Variants in CACNA1C observed in about 807,000 individuals in gnomAD.
CACNA1C encodes the protein calcium voltage-gated channel subunit alpha1 C, also known as voltage-dependent L-type calcium channel subunit alpha-1C.
CACNA1C carries 30 observed loss-of-function variants against 229.0 expected under a neutral mutation model. The ratio of observed to expected loss-of-function variants is 0.13; its 90% CI spans 0.10 to 0.18. CACNA1C has a LOEUF of 0.18. Among genes scored for constraint, CACNA1C ranks in the 10% least tolerant of loss-of-function variants. The pLI, the probability that CACNA1C is intolerant of heterozygous loss-of-function variation, is 1.00. For missense variants in CACNA1C, 1,658 were observed against 2,845.0 expected (o/e 0.58, Z 9.49); for synonymous variants, 1,114 against 1,132.5 (o/e 0.98, Z 0.33).
intron 29 of CACNA1C, chr12:2,614,318 A>G (rs911811824): frequency 1.3e-5 from 2 of 152,216 alleles, no homozygotes; most frequent in Admixed American, 1.3e-4. Flanking sequence ...GGGTACATCT[A>G]TGGTGTAAAG....
intron 3 of CACNA1C, among the ~76,000 whole-genome samples, chr12:2,158,729 T>C (rs563062189): frequency 3.6e-4 from 55 of 152,014 alleles, no homozygotes; most frequent in Admixed American, 2.2e-3. Flanking sequence ...CATTTTCAGA[T>C]AGGTAAAAAT....
intron 1 of CACNA1C, among the ~76,000 whole-genome samples, chr12:2,069,387 C>T (rs1276330683): frequency 6.6e-6 from 1 of 152,110 alleles, no homozygotes; most frequent in African/African-American, 2.4e-5. Context: ...GGAGCCAAAC[C>T]CCAAGTTATT....
intron 3 of CACNA1C, among the ~76,000 whole-genome samples, chr12:2,428,504 G>A (rs2099053697): frequency 6.6e-6 from 1 of 152,194 alleles, no homozygotes; most frequent in Non-Finnish European, 1.5e-5. Flanking sequence ...CCTTCCTGAG[G>A]CACAGATCTT....
chr12:2,004,216 T>A (rs1565895427), intron 1 of CACNA1C: 2 of 1,591,264 alleles, frequency 1.3e-6, no homozygotes, highest in South Asian at 1.1e-5. Flanking sequence ...CCTCAAGTCC[T>A]GAGTCTGACG....
chr12:2,218,419 G>C (rs1310133074), intron 3 of CACNA1C, among the ~76,000 whole-genome samples: 2 of 152,166 alleles, frequency 1.3e-5, no homozygotes, highest in Non-Finnish European at 2.9e-5. Flanking sequence ...GATAGGGTGT[G>C]CTGGAAAGAC....
chr12:2,011,007 T>G (rs2044310824), intron 1 of CACNA1C: 1 of 151,496 alleles, frequency 6.6e-6, no homozygotes, highest in Non-Finnish European at 1.5e-5. Flanking sequence ...AAAAATTAGC[T>G]GGGCGTGGTG....
At chr12:2,129,185 C>T (rs1037681628) in intron 3 of CACNA1C, among the ~76,000 whole-genome samples, 2 of 152,138 alleles carry the variant, frequency 1.3e-5, no homozygotes, top group African/African-American at 4.8e-5. Flanking sequence ...GAGCTGGAAA[C>T]GGGATGAGAC....
intron 3 of CACNA1C, among the ~76,000 whole-genome samples, chr12:2,240,159 G>A (rs1487261009): frequency 6.6e-6 from 1 of 152,210 alleles, no homozygotes; most frequent in Non-Finnish European, 1.5e-5. Context: ...AATAGCTCAG[G>A]ATGGTCGCTC....
intron 1 of CACNA1C, among the ~76,000 whole-genome samples, chr12:1,978,816 C>A (rs80176102): frequency 0.016 from 2,426 of 152,248 alleles, 68 homozygotes; most frequent in African/African-American, 0.053. Context: ...AGATGGCTTG[C>A]TTTGCTCAAC....
intron 3 of CACNA1C, among the ~76,000 whole-genome samples, chr12:2,332,331 C>G (rs1437650011): frequency 6.6e-6 from 1 of 152,064 alleles, no homozygotes; most frequent in African/African-American, 2.4e-5. Flanking sequence ...CAACTTTTCT[C>G]TAAGTTTGAA....
chr12:2,666,819 A>G lies in CACNA1C; in HGVS notation c.4623+37A>G, dbSNP rs572802772. 7 of 1,278,760 alleles carry G rather than the reference A, an allele frequency of 5.5e-6. No individual in the cohort carries two copies. Among genetic ancestry groups the G allele is most frequent in the Non-Finnish European group, 7.8e-6 (7 of 894,872 alleles). The allele number at this position is 1,278,760 out of a possible 1,614,324, so 79.2% of individuals were successfully genotyped here. A position where few individuals can be genotyped will look rare whatever the true frequency, so the allele number is the denominator to read the frequency against. Reference sequence around the variant, plus strand: ...CGGGGTTCATGGGAGGGAGAGGGAAAATAGGGGAAGTGAAGTGCCCATTTC... The same window carrying G: ...CGGGGTTCATGGGAGGGAGAGGGAAGATAGGGGAAGTGAAGTGCCCATTTC... On this transcript the variant is annotated intron_variant, in intron 37 of 46. Coordinates refer to ENST00000399655, the MANE Select transcript of CACNA1C (RefSeq NM_000719.7). The surrounding 1 kb of genome is among the most constrained non-coding windows in gnomAD (Gnocchi z 5.3).
At chr12:2,450,567 A>AC (rs2099359564) in intron 4 of CACNA1C, among the ~76,000 whole-genome samples, 1 of 147,934 alleles carries the variant, frequency 6.8e-6, no homozygotes, top group Non-Finnish European at 1.5e-5. Context: ...AAAAAAAAAA[A>AC]AAAAAAAAAA....
intron 3 of CACNA1C, among the ~76,000 whole-genome samples, chr12:2,355,275 G>A (rs1291859195): frequency 6.6e-6 from 1 of 152,154 alleles, no homozygotes. Flanking sequence ...CTGACATGTG[G>A]CTGCATGGCC....
At chr12:2,038,916 A>G (rs2049611772) in intron 1 of CACNA1C, among the ~76,000 whole-genome samples, 1 of 133,572 alleles carries the variant, frequency 7.5e-6, no homozygotes, top group South Asian at 2.4e-4. Context: ...AAATTTTGTC[A>G]AAAAAAAAAG....
At chr12:1,974,867 T>G (rs999955769) in intron 1 of CACNA1C, among the ~76,000 whole-genome samples, 1 of 152,190 alleles carries the variant, frequency 6.6e-6, no homozygotes, top group African/African-American at 2.4e-5. Context: ...AAGCTATGTT[T>G]AAACATGTCT....
intron 11 of CACNA1C, among the ~76,000 whole-genome samples, chr12:2,559,889 A>G (rs1293226858): frequency 6.6e-6 from 1 of 152,250 alleles, no homozygotes; most frequent in Non-Finnish European, 1.5e-5. Flanking sequence ...GGCAGGTTAA[A>G]AAATAAAAAG....
In CACNA1C at chr12:2,067,339, C is replaced by T. The variant is rs916088504; in HGVS notation, c.49+13728C>T. Among the ~76,000 whole-genome samples, 3 of 151,858 alleles carry T rather than the reference C, an allele frequency of 2.0e-5. No homozygotes were observed. Among genetic ancestry groups the T allele is most frequent in the Admixed American group, 6.6e-5 (1 of 15,238 alleles). On this transcript the variant is annotated intron_variant, in intron 1 of 46. Transcript: ENST00000399655. The surrounding 1 kb of genome is among the most constrained non-coding windows in gnomAD (Gnocchi z 5.3). ...GAGCTCTGAGTGGATGCACAAAGGGCCAGGTGGACTTTCTTTGGGGAGCAT... is the reference window on the plus strand; with the variant it reads ...GAGCTCTGAGTGGATGCACAAAGGGTCAGGTGGACTTTCTTTGGGGAGCAT...
chr12:2,295,907 A>AT (rs2093994299), intron 3 of CACNA1C, among the ~76,000 whole-genome samples: 2 of 152,082 alleles, frequency 1.3e-5, no homozygotes, highest in African/African-American at 4.8e-5. Flanking sequence ...ATCGCATGGG[A>AT]TTTTTTCATT....
At chr12:2,332,022 G>C (rs1396621376) in intron 3 of CACNA1C, among the ~76,000 whole-genome samples, 1 of 152,086 alleles carries the variant, frequency 6.6e-6, no homozygotes, top group Non-Finnish European at 1.5e-5. Flanking sequence ...CTACAGATTA[G>C]TTACAGTACT....
Sources: gnomAD v4.1 joint callset for allele counts (sites outside exome capture counted in the v4.1 genomes callset) on GRCh38, gnomAD v4.1.1 for gene constraint, Gnocchi (gnomAD v3.1) non-coding constraint, MANE v1.5 for transcripts, NCBI Gene and HGNC (gene_info 2026-07-23, HGNC 2026-07-21) for gene names.